Variants in HMGXB4 observed in about 807,000 individuals in gnomAD.
HMGXB4 encodes the protein HMG domain-containing protein 4.
HMGXB4 carries 27 observed loss-of-function variants against 63.9 expected under a neutral mutation model. The ratio of observed to expected loss-of-function variants is 0.42; its 90% CI spans 0.31 to 0.58. The LOEUF (loss-of-function observed/expected upper bound fraction) is 0.58. Among genes scored for constraint, HMGXB4 ranks in the 20% least tolerant of loss-of-function variants. The pLI is 0.13. For synonymous variants in HMGXB4, 264 were observed against 265.3 expected (o/e 0.99, Z 0.05); for missense variants, 624 against 700.7 (o/e 0.89, Z 1.24).
At chr22:35,241,756 G>A in the HMGXB4 span, among the ~76,000 whole-genome samples, 49 of 152,304 alleles carry the variant, frequency 3.2e-4, no homozygotes, top group African/African-American at 1.1e-3. Context: ...TCTGCAGTTG[G>A]GGCACTCACA....
chr22:35,287,113 C>A, intron 7 of HMGXB4: 1 of 440,448 alleles, frequency 2.3e-6, no homozygotes, highest in Non-Finnish European at 4.2e-6. Context: ...AAAATCAGTG[C>A]CGAGATTTGA....
In HMGXB4 at chr22:35,262,566, C is replaced by A. The variant is rs536075358; in HGVS notation, c.31+145C>A. ...GCACTGTTATGACACTCAGCCTCCA[C>A]GCCATCCCCAGACTGGGCCCATGGA... On this transcript the variant is annotated intron_variant, in intron 2 of 10. Coordinates refer to ENST00000216106, the MANE Select transcript of HMGXB4 (RefSeq NM_001003681.3). 153 of 845,742 alleles carry A rather than the reference C, an allele frequency of 1.8e-4. 3 individuals are homozygous for A. The Admixed American group carries it at 3.2e-3, about 18-fold the overall frequency. The allele number at this position is 845,742 out of a possible 1,614,324, so 52.4% of individuals were successfully genotyped here.
chr22:35,268,335 G>A (rs981312831), intron 5 of HMGXB4, among the ~76,000 whole-genome samples: 2 of 151,866 alleles, frequency 1.3e-5, no homozygotes, highest in Non-Finnish European at 2.9e-5. Context: ...AACTATTTCT[G>A]CACAAATATT....
chr22:35,275,103 C>A, intron 5 of HMGXB4, among the ~76,000 whole-genome samples: 1 of 141,150 alleles, frequency 7.1e-6, no homozygotes. Context: ...TTAACATCAC[C>A]AAATTTCTTT....
Position 35,265,172 on chromosome 22 carries a change from C to G in HMGXB4, c.784C>G (p.Pro262Ala), listed in dbSNP as rs747728307. ...HKSSSDAHSS[P>A]GPEGCGSDAS... ...GTCATCCTCAGACGCACATTCATCTCCTGGCCCTGAAGGCTGTGGGTCTGA... is the reference window on the plus strand; with the variant it reads ...GTCATCCTCAGACGCACATTCATCTGCTGGCCCTGAAGGCTGTGGGTCTGA... The change falls in exon 5 of 11, where the codon CCT becomes GCT. Residue 262 changes from proline to alanine, a missense_variant. Physicochemically the swap from Pro to Ala is conservative, Grantham distance 27. Coordinates refer to ENST00000216106, the MANE Select transcript of HMGXB4 (RefSeq NM_001003681.3). The G allele has an allele frequency of 1.1e-5, 17 of 1,614,090 alleles. No individual in the cohort carries two copies. In the East Asian group the frequency reaches 3.8e-4, roughly 36 times the overall value.
intron 6 of HMGXB4, among the ~76,000 whole-genome samples, chr22:35,284,801 A>AG (rs1295609063): frequency 3.3e-5 from 5 of 152,346 alleles, no homozygotes; most frequent in African/African-American, 1.2e-4. Flanking sequence ...GAAAAACACT[A>AG]TACCAGAGAT....
intron 5 of HMGXB4, among the ~76,000 whole-genome samples, chr22:35,275,221 G>C (rs578236544): frequency 1.4e-5 from 2 of 144,496 alleles, no homozygotes; most frequent in South Asian, 2.2e-4. Flanking sequence ...CCGGGTTTAA[G>C]TGATTCTCCT....
At chr22:35,246,463 C>T in the HMGXB4 span, among the ~76,000 whole-genome samples, 9 of 152,142 alleles carry the variant, frequency 5.9e-5, no homozygotes, top group East Asian at 9.7e-4. Context: ...TTAGTAGAGG[C>T]GGGGTTTCAC....
intron 9 of HMGXB4, among the ~76,000 whole-genome samples, chr22:35,290,107 T>C (rs919553999): frequency 6.6e-6 from 1 of 152,216 alleles, no homozygotes; most frequent in African/African-American, 2.4e-5. Context: ...GATATAGATA[T>C]TTCCAGAAGA....
chr22:35,280,368 C>T (rs970782333), intron 5 of HMGXB4, among the ~76,000 whole-genome samples: 2 of 152,194 alleles, frequency 1.3e-5, no homozygotes, highest in African/African-American at 2.4e-5. Flanking sequence ...AAGCAATTCA[C>T]GTAACGAGTA....
upstream of HMGXB4, among the ~76,000 whole-genome samples, chr22:35,253,144 A>AGAAAAAAG (rs1555886254): frequency 2.4e-5 from 3 of 125,316 alleles, no homozygotes; most frequent in Non-Finnish European, 5.0e-5. Flanking sequence ...AAAAAAAAAA[A>AGAAAAAAG]AAAAAAGAAA....
chr22:35,280,409 C>T (rs370734024), intron 5 of HMGXB4, among the ~76,000 whole-genome samples: 5 of 152,290 alleles, frequency 3.3e-5, no homozygotes, highest in East Asian at 3.9e-4. Context: ...AATGCAGATT[C>T]GCTGGTCTTC....
At chr22:35,278,012 TATTC>T (rs1299887193) in intron 5 of HMGXB4, among the ~76,000 whole-genome samples, 1 of 152,194 alleles carries the variant, frequency 6.6e-6, no homozygotes, top group Non-Finnish European at 1.5e-5. Flanking sequence ...GTGGTCCACC[TATTC>T]ATTACCTCCC....
intron 1 of HMGXB4, 126 bp from the exon 2 acceptor site, chr22:35,262,197 C>T (rs1922904245): frequency 1.6e-6 from 1 of 629,252 alleles, no homozygotes; most frequent in Non-Finnish European, 2.8e-6. Context: ...GAGGAGGTGA[C>T]AAGACACTTT....
In HMGXB4 at chr22:35,293,851, C is replaced by G; in HGVS notation, c.*200C>G. 3.0e-6 allele frequency: 1 copy of G among 330,118 alleles called. No homozygotes were observed. The allele number at this position is 330,118 out of a possible 1,614,324, so 20.4% of individuals were successfully genotyped here. On this transcript the variant is annotated 3_prime_UTR_variant, in exon 11 of 11. Coordinates refer to ENST00000216106, the MANE Select transcript of HMGXB4 (RefSeq NM_001003681.3). ...TGCTTTTAATAATTTTATGAAATGG[C>G]AAAGGTTTAGCCAAGAGGAAATTTT...
chr22:35,289,925 A>T (rs1212832917), intron 9 of HMGXB4, among the ~76,000 whole-genome samples: 1 of 152,262 alleles, frequency 6.6e-6, no homozygotes, highest in African/African-American at 2.4e-5. Context: ...AAATTAGTGT[A>T]GGAATGTAAA....
the HMGXB4 span, among the ~76,000 whole-genome samples, chr22:35,244,979 T>G: frequency 1.3e-5 from 2 of 152,150 alleles, no homozygotes; most frequent in East Asian, 3.8e-4. Context: ...ACAAGGCGAT[T>G]CTCCTGCCTC....
intron 2 of HMGXB4, 67 bp from the exon 3 acceptor site, chr22:35,263,011 A>C (rs759138844): frequency 4.2e-6 from 6 of 1,435,736 alleles, no homozygotes; most frequent in Non-Finnish European, 5.8e-6. Flanking sequence ...CATTACCTGC[A>C]TGACGATTTG....
rs1465284670 is a variant in HMGXB4 at position 35,264,991 on chromosome 22, G to A, written c.603G>A (p.Lys201=). 1 of 1,614,098 alleles carries A rather than the reference G, an allele frequency of 6.2e-7. No individual in the cohort carries two copies. Residue 201 remains lysine, a synonymous_variant, in exon 5 of 11, where the codon AAG becomes AAA. Coordinates refer to ENST00000216106, the MANE Select transcript of HMGXB4 (RefSeq NM_001003681.3). ...AACTTATTCTGTCACCAAAGGAGAA[G>A]GGAAGCAGCTCTGTTGATGAGGAGT... The part of the protein sequence containing the change: ...KMKLILSPKE[K]GSSSVDEESF...
Sources: gnomAD v4.1 joint callset for allele counts (sites outside exome capture counted in the v4.1 genomes callset) on GRCh38, gnomAD v4.1.1 for gene constraint, MANE v1.5 for transcripts, NCBI Gene and HGNC (gene_info 2026-07-23, HGNC 2026-07-21) for gene names.